The following UBTD1 variants were observed in gnomAD, a reference collection of about 807,000 sequenced individuals.
UBTD1 encodes ubiquitin domain containing 1, also known as ubiquitin domain-containing protein 1.
Under a neutral mutation model 21.7 loss-of-function variants are expected in UBTD1, and 19 were observed. The observed-to-expected ratio is 0.87, with a 90% CI of 0.61 to 1.28. UBTD1 has a LOEUF of 1.28. UBTD1 is among the 50% of genes most tolerant of loss of function. UBTD1 has a pLI of 0.00. For missense variants in UBTD1, 282 were observed against 315.1 expected (o/e 0.89, Z 0.80); for synonymous variants, 116 against 135.1 (o/e 0.86, Z 0.98).
intron 1 of UBTD1, among the ~76,000 whole-genome samples, chr10:97,563,143 G>T (rs1206196305): frequency 6.6e-6 from 1 of 152,104 alleles, no homozygotes; most frequent in Admixed American, 6.6e-5. Flanking sequence ...GAAGACACAA[G>T]GTCCAAATAA....
At chr10:97,536,554 C>T (rs2040562823) in intron 1 of UBTD1, among the ~76,000 whole-genome samples, 1 of 152,196 alleles carries the variant, frequency 6.6e-6, no homozygotes, top group Non-Finnish European at 1.5e-5. Context: ...TTTGTCAATG[C>T]AGAATGAAGA....
At chr10:97,518,938 A>G (rs1183145963) in intron 1 of UBTD1, among the ~76,000 whole-genome samples, 2 of 152,258 alleles carry the variant, frequency 1.3e-5, no homozygotes, top group Admixed American at 6.5e-5. Context: ...TTGTATGATC[A>G]TCCTCTCACA....
intron 1 of UBTD1, among the ~76,000 whole-genome samples, chr10:97,502,904 T>C (rs566182964): frequency 8.6e-5 from 12 of 139,660 alleles, no homozygotes; most frequent in Non-Finnish European, 1.7e-4. Context: ...TATGTGTGTA[T>C]ATATGTATAT....
chr10:97,529,884 T>G (rs1369260638), intron 1 of UBTD1, among the ~76,000 whole-genome samples: 1 of 152,146 alleles, frequency 6.6e-6, no homozygotes, highest in Non-Finnish European at 1.5e-5. Flanking sequence ...TCCACAAACC[T>G]GAGCCCAGAG....
intron 1 of UBTD1, among the ~76,000 whole-genome samples, chr10:97,515,309 G>C (rs955571800): frequency 5.9e-5 from 9 of 152,228 alleles, no homozygotes; most frequent in Non-Finnish European, 1.5e-5. Context: ...ATTTTATAGA[G>C]AGAGTATTTG....
chr10:97,567,951 G>A lies in UBTD1; in HGVS notation c.108G>A (p.Trp36Ter). The change falls in exon 2 of 3, where the codon TGG becomes TGA. Residue 36 changes from tryptophan (W) to a stop codon, truncating the protein, a stop_gained. Coordinates refer to ENST00000370664, the MANE Select transcript of UBTD1 (RefSeq NM_024954.5). LOFTEE classifies it high-confidence loss of function. ...NEPLKKERLK[W>*]KSDYPMTDGQ... The stretch of plus-strand genomic sequence containing the variant: ...CCCTGAAGAAAGAGCGGCTTAAGTG[G>A]AAGAGCGACTACCCCATGACTGACG... 1 of 1,614,208 alleles carries A rather than the reference G, an allele frequency of 6.2e-7. No homozygotes were observed. The highest frequency in any genetic ancestry group is 8.5e-7 in the Non-Finnish European group (1 of 1,180,040).
intron 1 of UBTD1, among the ~76,000 whole-genome samples, chr10:97,552,391 C>T (rs2040642879): frequency 1.7e-5 from 1 of 60,174 alleles, no homozygotes; most frequent in South Asian, 1.0e-3. Flanking sequence ...TAATTATACA[C>T]CCTTTTTTTT....
At chr10:97,518,070 TG>T in intron 1 of UBTD1, among the ~76,000 whole-genome samples, 1 of 152,154 alleles carries the variant, frequency 6.6e-6, no homozygotes, top group Non-Finnish European at 1.5e-5. Flanking sequence ...GAGAAAATCT[TG>T]GAGCACTTGT....
intron 1 of UBTD1, among the ~76,000 whole-genome samples, chr10:97,534,867 A>G (rs574623860): frequency 5.3e-5 from 8 of 152,300 alleles, no homozygotes; most frequent in Admixed American, 2.0e-4. Flanking sequence ...CAGAGTAGAA[A>G]TGATGTCAAG....
chr10:97,501,126 CT>C (rs1459699211), intron 1 of UBTD1, among the ~76,000 whole-genome samples: 1 of 152,206 alleles, frequency 6.6e-6, no homozygotes, highest in Non-Finnish European at 1.5e-5. Context: ...TGCCACCCTA[CT>C]TTGTACCCTT....
At chr10:97,531,738 G>A (rs1436652390) in intron 1 of UBTD1, among the ~76,000 whole-genome samples, 1 of 152,094 alleles carries the variant, frequency 6.6e-6, no homozygotes, top group East Asian at 1.9e-4. Context: ...CCAGCATCCT[G>A]GTGCTCCGAG....
At chr10:97,564,467 G>T (rs1001025983) in intron 1 of UBTD1, among the ~76,000 whole-genome samples, 1 of 152,174 alleles carries the variant, frequency 6.6e-6, no homozygotes, top group African/African-American at 2.4e-5. Flanking sequence ...CCTGTTAAAG[G>T]TCTGAATAGG....
At chr10:97,510,790 C>T (rs2040420478) in intron 1 of UBTD1, among the ~76,000 whole-genome samples, 1 of 152,164 alleles carries the variant, frequency 6.6e-6, no homozygotes, top group Non-Finnish European at 1.5e-5. Flanking sequence ...GTGTCATTAT[C>T]ATAGAGATAG....
chr10:97,514,252 C>G (rs1157775721), intron 1 of UBTD1, among the ~76,000 whole-genome samples: 1 of 152,114 alleles, frequency 6.6e-6, no homozygotes, highest in Admixed American at 6.6e-5. Flanking sequence ...TCTTTCATTA[C>G]CCACTGCATG....
At chr10:97,530,200 TTGAATGAATGAA>T (rs113236509) in intron 1 of UBTD1, among the ~76,000 whole-genome samples, 4 of 151,248 alleles carry the variant, frequency 2.6e-5, no homozygotes, top group African/African-American at 9.8e-5. Flanking sequence ...TACATGTTTC[TTGAATGAATGAA>T]TGAATGAATG....
At chr10:97,533,888 A>C (rs939400452) in intron 1 of UBTD1, among the ~76,000 whole-genome samples, 2 of 151,024 alleles carry the variant, frequency 1.3e-5, no homozygotes, top group South Asian at 2.1e-4. Context: ...ACGCCACTGC[A>C]CTGAAGCCTG....
chr10:97,528,393 G>C (rs1186229739), intron 1 of UBTD1, among the ~76,000 whole-genome samples: 5 of 81,522 alleles, frequency 6.1e-5, no homozygotes. Flanking sequence ...CTGGCCGGGC[G>C]GGGGGCTGAC....
At chr10:97,503,751 G>A (rs892558659) in intron 1 of UBTD1, among the ~76,000 whole-genome samples, 4 of 152,176 alleles carry the variant, frequency 2.6e-5, no homozygotes, top group Admixed American at 1.3e-4. Flanking sequence ...GTGGTCCTTG[G>A]CCACATGGAG....
At chr10:97,542,712 CTA>C (rs2040592394) in intron 1 of UBTD1, among the ~76,000 whole-genome samples, 2 of 152,196 alleles carry the variant, frequency 1.3e-5, no homozygotes, top group Admixed American at 6.5e-5. Context: ...CCTCTCCTGT[CTA>C]TAAAGTGGGA....
Sources: allele counts gnomAD v4.1 joint callset (sites outside exome capture counted in the v4.1 genomes callset), GRCh38; gene constraint gnomAD v4.1.1; transcripts MANE v1.5; gene names NCBI Gene and HGNC (gene_info 2026-07-23, HGNC 2026-07-21).